The following YY1AP1 variants were observed in gnomAD, a reference collection of about 807,000 sequenced individuals.
YY1AP1 encodes the protein YY1-associated protein 1.
In YY1AP1, 43 loss-of-function variants were observed where a neutral mutation model predicts 39.9. The ratio of observed to expected loss-of-function variants is 1.08; its 90% confidence interval spans 0.84 to 1.39. YY1AP1 has a LOEUF of 1.39. YY1AP1 is among the 40% of genes most tolerant of loss of function. The probability of loss-of-function intolerance (pLI) is 0.00; values close to 1 mark genes in which losing one functional copy is unlikely to be tolerated. For synonymous variants in YY1AP1, 292 were observed against 331.3 expected (o/e 0.88, Z 1.29); for missense variants, 813 against 900.7 (o/e 0.90, Z 1.25).
At chr1:155,686,443 A>ATT (rs1652358478) in intron 2 of YY1AP1, among the ~76,000 whole-genome samples, 1 of 152,012 alleles carries the variant, frequency 6.6e-6, no homozygotes, top group South Asian at 2.1e-4. Flanking sequence ...CAGTACCCAA[A>ATT]AACAGTTCTC....
intron 8 of YY1AP1, 65 bp from the exon 9 acceptor site, chr1:155,668,842 A>C: frequency 6.2e-7 from 1 of 1,609,380 alleles, no homozygotes; most frequent in Non-Finnish European, 8.5e-7. Context: ...GCCTCCCCAG[A>C]CTAACACATT....
intron 4 of YY1AP1, 67 bp from the exon 5 acceptor site, chr1:155,676,813 AATG>A: frequency 1.3e-6 from 2 of 1,488,606 alleles, no homozygotes; most frequent in Non-Finnish European, 1.9e-6. Context: ...AATTCTTTGC[AATG>A]ATGAGCAAAG....
rs1558311911 is a variant in YY1AP1 at position 155,676,695 on chromosome 1, C to T, written c.177G>A (p.Lys59=). 6.2e-7 allele frequency: 1 copy of T among 1,614,108 alleles called. No individual in the cohort carries two copies. The highest frequency in any genetic ancestry group is 2.2e-5 in the East Asian group (1 of 44,868). ...NLLNEQHQIA[K]ELFEQLKMKK... is the part of the protein sequence containing the mutation. ...TCATCTTCAGCTGTTCAAATAGTTC[C>T]TTCGCTATCTGATGTTGTTCATTTA... The change falls in exon 5 of 11, where the codon AAG becomes AAA. Residue 59 remains lysine (K), a synonymous_variant. Transcript: ENST00000355499.
At chr1:155,662,048 G>A (rs1648245311) in intron 9 of YY1AP1, among the ~76,000 whole-genome samples, 1 of 152,090 alleles carries the variant, frequency 6.6e-6, no homozygotes, top group Admixed American at 6.6e-5. Context: ...GATGCTAAGA[G>A]CAATCTTATG....
chr1:155,687,182 A>G (rs1652564273), intron 2 of YY1AP1, among the ~76,000 whole-genome samples: 1 of 152,264 alleles, frequency 6.6e-6, no homozygotes, highest in African/African-American at 2.4e-5. Context: ...CATTCTTTAC[A>G]GCTTTGTAGC....
intron 4 of YY1AP1, chr1:155,679,171 T>A (rs1183636582): frequency 3.4e-6 from 5 of 1,464,422 alleles, no homozygotes; most frequent in Non-Finnish European, 4.6e-6. Context: ...GAGAAGTGGA[T>A]ATGGATGCCA....
At chr1:155,673,927 C>A (rs12758945) in intron 6 of YY1AP1, among the ~76,000 whole-genome samples, 1 of 151,594 alleles carries the variant, frequency 6.6e-6, no homozygotes, top group Non-Finnish European at 1.5e-5. Context: ...TTTGGGAGGC[C>A]GAGGTGGGCG....
chr1:155,665,559 G>A (rs1189657196), intron 9 of YY1AP1, among the ~76,000 whole-genome samples: 1 of 151,416 alleles, frequency 6.6e-6, no homozygotes, highest in East Asian at 1.9e-4. Flanking sequence ...AGATCATCGC[G>A]CCTTTGGACT....
intron 6 of YY1AP1, 26 bp from the exon 7 acceptor site, chr1:155,672,757 T>C (rs750118907): frequency 6.2e-7 from 1 of 1,614,024 alleles, no homozygotes; most frequent in African/African-American, 1.3e-5. Context: ...ACAAGGAAGA[T>C]CTAAGACAAT....
At chr1:155,671,423 T>C (rs1571336157) in intron 7 of YY1AP1, among the ~76,000 whole-genome samples, 2 of 150,108 alleles carry the variant, frequency 1.3e-5, no homozygotes. Flanking sequence ...AGAGCGAGAC[T>C]CCATCTTAAA....
At position 155,688,074 on chromosome 1, in the gene YY1AP1, G is replaced by A. The variant is rs745836656; in HGVS notation, c.-24C>T. 2 of 1,582,488 alleles carry A rather than the reference G, an allele frequency of 1.3e-6. No homozygotes were observed. Among genetic ancestry groups the A allele is most frequent in the African/African-American group, 2.7e-5 (2 of 74,324 alleles). ...CGGCCCAAATCGTTCTACTCACCGT[G>A]TCGGAGGCCGAGAGCGATGAGAGTA... On this transcript the variant is annotated 5_prime_UTR_variant, in exon 2 of 11. Coordinates refer to ENST00000355499, the MANE Select transcript of YY1AP1 (RefSeq NM_139119.3).
At chr1:155,681,873 C>T (rs1310610886) in intron 2 of YY1AP1, among the ~76,000 whole-genome samples, 1 of 146,488 alleles carries the variant, frequency 6.8e-6, no homozygotes, top group Non-Finnish European at 1.5e-5. Flanking sequence ...TAAATAGAGC[C>T]AGGGACTTGC....
Position 155,679,455 on chromosome 1 carries a change from GCTC to G in YY1AP1, c.76_78del (p.Glu26del), listed in dbSNP as rs1157441267. On this transcript the variant is annotated inframe_deletion, in exon 4 of 11. Coordinates refer to ENST00000355499, the MANE Select transcript of YY1AP1 (RefSeq NM_139119.3). ...AAGTTAGCTTGAGGCTCAGCCACAC[GCTC>G]CTCCTCTTCTGGGCCATCATCTTCC... 8 of 1,614,066 alleles carry G rather than the reference GCTC, an allele frequency of 5.0e-6. No individual in the cohort carries two copies. In the African/African-American group the frequency reaches 9.3e-5, roughly 19 times the overall value.
intron 4 of YY1AP1, among the ~76,000 whole-genome samples, chr1:155,677,548 A>T (rs959178494): frequency 6.6e-6 from 1 of 152,238 alleles, no homozygotes; most frequent in Non-Finnish European, 1.5e-5. Context: ...TGAAGTAGCT[A>T]TAACAAGCAG....
At chr1:155,688,470 G>C (rs1653024790) in intron 1 of YY1AP1, 189 bp downstream of exon 1, 3 of 1,549,532 alleles carry the variant, frequency 1.9e-6, no homozygotes, top group African/African-American at 2.7e-5. Context: ...GCCATGTAGC[G>C]CGCACGTCAG....
At position 155,688,763 on chromosome 1, in the gene YY1AP1, C is replaced by A. The variant is rs1653161550; in HGVS notation, c.-256G>T. On this transcript the variant is annotated 5_prime_UTR_variant, in exon 1 of 11. Transcript: ENST00000355499. ...GCCGCCAAAGCAGCCGCCGCCAGCA[C>A]CCCCACCCTACACTCCTCGCGCGTG... 4 of 1,527,064 alleles carry A rather than the reference C, an allele frequency of 2.6e-6. No homozygotes were observed. The highest frequency in any genetic ancestry group is 2.1e-5 in the Admixed American group (1 of 47,450). The allele number at this position is 1,527,064 out of a possible 1,614,324, so 94.6% of individuals were successfully genotyped here.
chr1:155,682,482 C>T (rs959740874), intron 2 of YY1AP1, among the ~76,000 whole-genome samples: 1 of 151,726 alleles, frequency 6.6e-6, no homozygotes, highest in East Asian at 1.9e-4. Context: ...TCTGTTTTTT[C>T]GAGAGTAGCT....
Position 155,659,908 on chromosome 1 carries a change from A to G in YY1AP1, c.2002T>C (p.Ser668Pro). ...TCCACTTTGGGGAAAACAGTAGCAG[A>G]GAGAGGAGATAGTTCCTGGGGCTCT... ...KLEPQELSPL[S>P]ATVFPKVEHS... Residue 668 changes from serine (S) to proline (P), a missense_variant, in exon 11 of 11, where the codon TCT (serine) becomes CCT (proline). Coordinates refer to ENST00000355499, the MANE Select transcript of YY1AP1 (RefSeq NM_139119.3). The G allele has an allele frequency of 6.2e-7, 1 of 1,614,106 alleles. No individual in the cohort carries two copies. Among genetic ancestry groups the G allele is most frequent in the East Asian group, 2.2e-5 (1 of 44,904 alleles).
chr1:155,688,181 G>A lies in YY1AP1; in HGVS notation c.-131C>T, dbSNP rs570778165. The A allele has an allele frequency of 1.9e-6, 3 of 1,614,044 alleles. No homozygotes were observed. The South Asian group carries it at 3.3e-5, about 18-fold the overall frequency. ...CGCGGATCCCTCCCGCTTGTCAGGAGGCGGCCAGCGGGTAAGCCGACTGGC... is the reference window on the plus strand; with the variant it reads ...CGCGGATCCCTCCCGCTTGTCAGGAAGCGGCCAGCGGGTAAGCCGACTGGC... On this transcript the variant is annotated 5_prime_UTR_variant, in exon 2 of 11. Coordinates refer to ENST00000355499, the MANE Select transcript of YY1AP1 (RefSeq NM_139119.3).
Sources: allele counts gnomAD v4.1 joint callset (sites outside exome capture counted in the v4.1 genomes callset), GRCh38; gene constraint gnomAD v4.1.1; transcripts MANE v1.5; gene names NCBI Gene and HGNC (gene_info 2026-07-23, HGNC 2026-07-21).